Variants in RIMS2 observed in about 807,000 individuals in gnomAD.
The protein encoded by RIMS2 is regulating synaptic membrane exocytosis protein 2.
Under a neutral mutation model 174.4 loss-of-function variants are expected in RIMS2, and 59 were observed. That is an observed-to-expected ratio of 0.34 (90% CI 0.27 to 0.42). RIMS2 has a LOEUF of 0.42. Among genes scored for constraint, RIMS2 ranks in the 10% least tolerant of loss-of-function variants. RIMS2 has a pLI of 1.00. For synonymous variants in RIMS2, 606 were observed against 572.5 expected, an observed-to-expected ratio of 1.06 and a Z score of -0.84; for missense variants, 1,620 against 1,666.3, an observed-to-expected ratio of 0.97 and a Z score of 0.48.
At chr8:104,100,808 T>TATATATTATATTATATATGTAATATATA (rs1566388778) in intron 19 of RIMS2, among the ~76,000 whole-genome samples, 1 of 141,782 alleles carries the variant, frequency 7.1e-6, no homozygotes, top group African/African-American at 2.6e-5. Context: ...ATATATATAT[T>TATATATTATATTATATATGTAATATATA]ATATATTATA....
intron 2 of RIMS2, among the ~76,000 whole-genome samples, chr8:103,739,346 A>C (rs897680653): frequency 1.3e-5 from 2 of 152,184 alleles, no homozygotes; most frequent in African/African-American, 2.4e-5. Flanking sequence ...ACTTAGACAC[A>C]GGAAGAGGAA....
Position 104,060,089 on chromosome 8 carries a change from T to A in RIMS2, c.3334+45474T>A, listed in dbSNP as rs914532603. Among the ~76,000 whole-genome samples the A allele has an allele frequency of 6.6e-5, 10 of 151,868 alleles. 1 individual carries two copies. The highest frequency in any genetic ancestry group is 9.7e-5 in the African/African-American group (4 of 41,278). On this transcript the variant is annotated intron_variant, in intron 19 of 23. Coordinates refer to ENST00000504942, the Ensembl canonical transcript of RIMS2. ...TCAGGATGATGCCAGCCTCATAAAA[T>A]GAGTTAGGGAGGATTCCCTCTTTTT...
chr8:103,672,035 G>T (rs977359301), intron 1 of RIMS2, among the ~76,000 whole-genome samples: 4 of 152,060 alleles, frequency 2.6e-5, no homozygotes, highest in African/African-American at 9.7e-5. Flanking sequence ...TATGTCAAAG[G>T]TTTAAAACAA....
intron 1 of RIMS2, among the ~76,000 whole-genome samples, chr8:103,689,915 ATTGT>A (rs1320371530): frequency 1.2e-4 from 1 of 8,336 alleles, no homozygotes; most frequent in Non-Finnish European, 2.0e-4. Flanking sequence ...TTTTTGTTTG[ATTGT>A]TTGTTTGTTT....
At chr8:103,675,100 T>C (rs549988433) in intron 1 of RIMS2, among the ~76,000 whole-genome samples, 2 of 152,106 alleles carry the variant, frequency 1.3e-5, no homozygotes, top group Non-Finnish European at 2.9e-5. Context: ...TTAGTAGAGA[T>C]GGGGTTTCAC....
chr8:103,757,235 A>T (rs1363309853), intron 2 of RIMS2, among the ~76,000 whole-genome samples: 1 of 149,122 alleles, frequency 6.7e-6, no homozygotes, highest in African/African-American at 2.6e-5. Context: ...GCTAATTTTT[A>T]TAATATTTAG....
intron 19 of RIMS2, among the ~76,000 whole-genome samples, chr8:104,161,056 C>G (rs2098757754): frequency 6.6e-6 from 1 of 152,140 alleles, no homozygotes; most frequent in African/African-American, 2.4e-5. Flanking sequence ...TCCTCCTACT[C>G]CATGAAGTTG....
chr8:104,050,498 A>G (rs1408325942), intron 19 of RIMS2, among the ~76,000 whole-genome samples: 2 of 152,210 alleles, frequency 1.3e-5, no homozygotes, highest in African/African-American at 4.8e-5. Flanking sequence ...AGACTAAACC[A>G]GAAGAGTAAG....
At chr8:103,655,942 T>C (rs2096526218) in intron 1 of RIMS2, among the ~76,000 whole-genome samples, 2 of 152,106 alleles carry the variant, frequency 1.3e-5, no homozygotes, top group South Asian at 2.1e-4. Flanking sequence ...ATAAAGAACA[T>C]ATTGACTGCT....
At chr8:104,226,754 A>G (rs369209852) in intron 19 of RIMS2, among the ~76,000 whole-genome samples, 4 of 152,338 alleles carry the variant, frequency 2.6e-5, no homozygotes, top group African/African-American at 9.6e-5. Context: ...TCAGTTTCTC[A>G]TGAACCAAGC....
At chr8:104,178,301 T>G (rs989838211) in intron 19 of RIMS2, among the ~76,000 whole-genome samples, 1 of 152,158 alleles carries the variant, frequency 6.6e-6, no homozygotes, top group Admixed American at 6.5e-5. Context: ...ATCTCCTTGC[T>G]GCCTGTAAGC....
chr8:103,601,361 G>A (rs954058661), intron 1 of RIMS2, among the ~76,000 whole-genome samples: 1 of 152,064 alleles, frequency 6.6e-6, no homozygotes, highest in Non-Finnish European at 1.5e-5. Flanking sequence ...AGTGTTGGTT[G>A]CGTATATATT....
At chr8:103,811,579 G>T (rs1046336018) in intron 3 of RIMS2, among the ~76,000 whole-genome samples, 11 of 151,910 alleles carry the variant, frequency 7.2e-5, no homozygotes, top group Non-Finnish European at 1.3e-4. Context: ...CGAGTAGCTG[G>T]GATTACAGGC....
At chr8:104,027,854 AG>A (rs2096288494) in intron 19 of RIMS2, among the ~76,000 whole-genome samples, 1 of 152,164 alleles carries the variant, frequency 6.6e-6, no homozygotes, top group Admixed American at 6.6e-5. Flanking sequence ...TGTGTTTTGT[AG>A]GGTCAAATGT....
chr8:103,611,170 A>G (rs538914539), intron 1 of RIMS2, among the ~76,000 whole-genome samples: 6 of 151,942 alleles, frequency 3.9e-5, no homozygotes, highest in East Asian at 3.9e-4. Flanking sequence ...TTGTATTTCT[A>G]TGGGGTTAGT....
At chr8:103,766,229 T>A in exon 3 of RIMS2, 1 of 1,609,188 alleles carries the variant, frequency 6.2e-7, no homozygotes. Flanking sequence ...ATGTGCAGGT[T>A]ATGTGGGTAT....
At chr8:103,899,878 T>G (rs1415399149) in intron 4 of RIMS2, among the ~76,000 whole-genome samples, 4 of 151,818 alleles carry the variant, frequency 2.6e-5, no homozygotes, top group African/African-American at 4.9e-5. Context: ...CTTTAATCCA[T>G]CTTGAATTAA....
At chr8:104,215,847 T>G (rs1277560134) in intron 19 of RIMS2, among the ~76,000 whole-genome samples, 1 of 152,128 alleles carries the variant, frequency 6.6e-6, no homozygotes, top group African/African-American at 2.4e-5. Flanking sequence ...ATAGAAGCCC[T>G]CATGAGAAGC....
intron 1 of RIMS2, among the ~76,000 whole-genome samples, chr8:103,555,618 G>A (rs976412731): frequency 2.0e-5 from 3 of 151,942 alleles, no homozygotes; most frequent in Admixed American, 6.6e-5. Flanking sequence ...TCAACCTAAG[G>A]GTTCATCAAC....
Sources: allele counts gnomAD v4.1 joint callset (sites outside exome capture counted in the v4.1 genomes callset), GRCh38; gene constraint gnomAD v4.1.1; transcripts MANE v1.5; gene names NCBI Gene and HGNC (gene_info 2026-07-23, HGNC 2026-07-21).